ULK2: variants seen among roughly 807,000 people sequenced by gnomAD.
ULK2 encodes the protein unc-51 like autophagy activating kinase 2.
Under a neutral mutation model 127.5 loss-of-function variants are expected in ULK2, and 76 were observed. That is an observed-to-expected ratio of 0.60 (90% confidence interval 0.50 to 0.72). The LOEUF (loss-of-function observed/expected upper bound fraction) is 0.72. ULK2 is among the 30% of genes least tolerant of loss of function. The pLI is 0.00. For missense variants in ULK2, 1,144 were observed against 1,295.9 expected (o/e 0.88, Z 1.80); for synonymous variants, 452 against 461.9 (o/e 0.98, Z 0.28).
intron 22 of ULK2, among the ~76,000 whole-genome samples, chr17:19,782,922 A>ACAAG (rs1431443961): frequency 6.7e-6 from 1 of 148,972 alleles, no homozygotes; most frequent in Admixed American, 6.6e-5. Context: ...TCTCAAATAA[A>ACAAG]CAAACAAACA....
chr17:19,867,467 G>T lies in ULK2; in HGVS notation c.-50C>A, dbSNP rs771050840. The T allele has an allele frequency of 6.7e-7, 1 of 1,491,968 alleles. No homozygotes were observed. Among genetic ancestry groups the T allele is most frequent in the Admixed American group, 2.1e-5 (1 of 48,522 alleles). The allele number at this position is 1,491,968 out of a possible 1,614,324, so 92.4% of individuals were successfully genotyped here. A position where few individuals can be genotyped will look rare whatever the true frequency, so the allele number is the denominator to read the frequency against. On this transcript the variant is annotated 5_prime_UTR_variant, in exon 1 of 27. Transcript: ENST00000395544. ...GGACGGGCGGGCGGCGCAGTGCGGC[G>T]CAGGTATCAGCACCGCGGCTCCGCG... is the stretch of plus-strand genomic sequence containing the variant.
chr17:19,820,082 C>G (rs2041099662), intron 12 of ULK2, among the ~76,000 whole-genome samples: 1 of 147,094 alleles, frequency 6.8e-6, no homozygotes, highest in Non-Finnish European at 1.5e-5. Context: ...TGGAGTCTCG[C>G]TCTATCACCA....
intron 19 of ULK2, 58 bp from the exon 20 acceptor site, chr17:19,795,783 G>T (rs2087255904): frequency 2.0e-6 from 3 of 1,488,988 alleles, no homozygotes; most frequent in Non-Finnish European, 1.9e-6. Flanking sequence ...AAACTAGAAG[G>T]GTTAATAGGA....
Position 19,797,619 on chromosome 17 carries a change from G to A in ULK2, c.1586C>T (p.Ala529Val). Residue 529 changes from alanine to valine, a missense_variant, in exon 18 of 27, where the codon GCC becomes GTC. Coordinates refer to ENST00000395544, the MANE Select transcript of ULK2 (RefSeq NM_014683.4). The part of the protein sequence containing the change: ...SLLSGARLQS[A>V]PTLTDIYQNK... ...CTGATAGATGTCAGTGAGGGTGGGG[G>A]CGCTCTGCAGTCTAGCACCCGATAA... 1 of 1,612,724 alleles carries A rather than the reference G, an allele frequency of 6.2e-7. No homozygotes were observed. Among genetic ancestry groups the A allele is most frequent in the Non-Finnish European group, 8.5e-7 (1 of 1,179,430 alleles).
At chr17:19,777,792 T>A in intron 25 of ULK2, 76 bp from the exon 26 acceptor site, 1 of 1,506,116 alleles carries the variant, frequency 6.6e-7, no homozygotes, top group Non-Finnish European at 8.9e-7. Flanking sequence ...AATGAAGCTT[T>A]AAATGGAATC....
At chr17:19,801,649 G>T in intron 16 of ULK2, 128 bp downstream of exon 16, 1 of 1,191,680 alleles carries the variant, frequency 8.4e-7, no homozygotes, top group African/African-American at 1.5e-5. Context: ...ATGGAGGGAC[G>T]GGGTATGGCC....
At chr17:19,817,973 T>G (rs2041033863) in intron 12 of ULK2, among the ~76,000 whole-genome samples, 1 of 152,148 alleles carries the variant, frequency 6.6e-6, no homozygotes, top group Non-Finnish European at 1.5e-5. Context: ...CTAGCACTAC[T>G]GAGCCTCAAC....
rs1188289571 is a variant in ULK2, at chr17:19,796,230, G to T, written c.1862C>A (p.Ala621Asp). ...PKTQASSNLL[A>D]LVTRHGPAEE... ...AGCAGGCCCATGACGAGTAACCAAG[G>T]CTAACAGGTTGGAAGATGCTTGAGT... Residue 621 changes from alanine to aspartate, a missense_variant, in exon 19 of 27, where the codon GCC (alanine) becomes GAC (aspartate). Ala to Asp is a moderately radical substitution (Grantham distance 126). This residue lies in a region of ULK2 where 913 missense variants were observed against 970.5 expected (regional missense o/e 0.94). Coordinates refer to ENST00000395544, the MANE Select transcript of ULK2 (RefSeq NM_014683.4). 1.9e-6 allele frequency: 3 copies of T among 1,614,080 alleles called. No individual in the cohort carries two copies. The South Asian group carries it at 3.3e-5, about 18-fold the overall frequency.
At chr17:19,835,610 G>A (rs1055545691) in intron 10 of ULK2, among the ~76,000 whole-genome samples, 5 of 150,778 alleles carry the variant, frequency 3.3e-5, no homozygotes, top group South Asian at 2.1e-4. Context: ...CCAGCTACTC[G>A]GGAGGCTGAG....
intron 3 of ULK2, among the ~76,000 whole-genome samples, chr17:19,851,298 G>A (rs1040972887): frequency 1.5e-5 from 2 of 134,358 alleles, no homozygotes; most frequent in African/African-American, 6.0e-5. Context: ...CTGCACTCCA[G>A]CCTGGGCAAC....
chr17:19,779,388 T>C (rs990179540), intron 25 of ULK2, among the ~76,000 whole-genome samples: 28 of 151,974 alleles, frequency 1.8e-4, no homozygotes, highest in African/African-American at 6.5e-4. Context: ...AAAAATTAGC[T>C]GGGTGTGGTG....
intron 10 of ULK2, among the ~76,000 whole-genome samples, chr17:19,837,865 G>T (rs1020105367): frequency 6.6e-6 from 1 of 152,162 alleles, no homozygotes; most frequent in Non-Finnish European, 1.5e-5. Flanking sequence ...CATGCACACA[G>T]TCTATTCTCA....
At chr17:19,822,725 C>T (rs1597768598) in intron 12 of ULK2, among the ~76,000 whole-genome samples, 1 of 150,756 alleles carries the variant, frequency 6.6e-6, no homozygotes, top group African/African-American at 2.4e-5. Flanking sequence ...CTCGCTCTGT[C>T]GCTCAGGCTG....
At chr17:19,806,677 C>T (rs753296148) in intron 14 of ULK2, among the ~76,000 whole-genome samples, 39 of 152,118 alleles carry the variant, frequency 2.6e-4, no homozygotes, top group Admixed American at 1.4e-3. Context: ...ATATTAACAC[C>T]AATATTTAAC....
intron 20 of ULK2, among the ~76,000 whole-genome samples, chr17:19,790,089 C>T (rs2087119721): frequency 6.6e-6 from 1 of 152,054 alleles, no homozygotes; most frequent in Admixed American, 6.6e-5. Flanking sequence ...TTTCTTATTG[C>T]TTGTTTATGC....
At chr17:19,791,810 A>T (rs2087159157) in intron 20 of ULK2, among the ~76,000 whole-genome samples, 1 of 148,808 alleles carries the variant, frequency 6.7e-6, no homozygotes, top group Non-Finnish European at 1.5e-5. Context: ...GTGCACCAAG[A>T]TCGTGCCACT....
chr17:19,857,175 G>A (rs1266848912), intron 3 of ULK2, among the ~76,000 whole-genome samples: 1 of 150,172 alleles, frequency 6.7e-6, no homozygotes, highest in Admixed American at 6.6e-5. Context: ...GTGTGGTGGC[G>A]GGGCGCCTGT....
At chr17:19,865,935 G>A in intron 1 of ULK2, 107 bp from the exon 2 acceptor site, 1 of 619,654 alleles carries the variant, frequency 1.6e-6, no homozygotes, top group Non-Finnish European at 2.8e-6. Flanking sequence ...CGGCATTGGG[G>A]AAAAATGGAA....
intron 23 of ULK2, 119 bp downstream of exon 23, chr17:19,781,770 G>A: frequency 2.6e-6 from 3 of 1,164,298 alleles, no homozygotes; most frequent in East Asian, 2.5e-5. Flanking sequence ...AGAAATAATT[G>A]AGACTCCTAG....
Sources: gnomAD v4.1 joint callset for allele counts (sites outside exome capture counted in the v4.1 genomes callset) on GRCh38, gnomAD v4.1.1 for gene constraint, gnomAD v4.1.1 regional missense constraint, MANE v1.5 for transcripts, NCBI Gene and HGNC (gene_info 2026-07-23, HGNC 2026-07-21) for gene names.